Variants in LRRTM4 observed in about 807,000 individuals in gnomAD.
The protein encoded by LRRTM4 is leucine-rich repeat transmembrane neuronal protein 4.
LRRTM4 carries 25 observed loss-of-function variants against 47.6 expected under a neutral mutation model. The ratio of observed to expected loss-of-function variants is 0.53; its 90% confidence interval spans 0.38 to 0.73. The LOEUF (loss-of-function observed/expected upper bound fraction) is 0.73, where lower values mean the gene tolerates loss of function less well. Ranked by LOEUF, LRRTM4 falls within the 30% of genes least tolerant of loss-of-function variation. The pLI is 0.00. For synonymous variants in LRRTM4, 311 were observed against 269.5 expected, an observed-to-expected ratio of 1.15 and a Z score of -1.51; for missense variants, 638 against 713.4, an observed-to-expected ratio of 0.89 and a Z score of 1.20.
Position 77,249,134 on chromosome 2 carries a change from G to A in LRRTM4, c.1551+269184C>T, listed in dbSNP as rs140250263. Among the ~76,000 whole-genome samples the A allele has an allele frequency of 3.6e-3, 551 of 152,122 alleles. 9 individuals carry two copies. The East Asian group carries it at 0.051, about 14-fold the overall frequency. ...GGAGGCTGAGGCATGTGGATCACCTGAGGTTGGTAGTTTGAGACCAGCCTG... is the reference window on the plus strand; with the variant it reads ...GGAGGCTGAGGCATGTGGATCACCTAAGGTTGGTAGTTTGAGACCAGCCTG... On this transcript the variant is annotated intron_variant, in intron 3 of 3. Transcript: ENST00000409884.
chr2:77,489,589 A>G (rs1055016445), intron 3 of LRRTM4, among the ~76,000 whole-genome samples: 1 of 152,218 alleles, frequency 6.6e-6, no homozygotes, highest in Non-Finnish European at 1.5e-5. Context: ...TGTGGACCAC[A>G]GTGCTTAAGA....
intron 3 of LRRTM4, among the ~76,000 whole-genome samples, chr2:77,197,081 T>C (rs1319404098): frequency 6.6e-6 from 1 of 152,168 alleles, no homozygotes; most frequent in Non-Finnish European, 1.5e-5. Context: ...CTATTTTAAA[T>C]TACAACATCT....
chr2:77,105,063 A>C (rs2103919874), intron 3 of LRRTM4, among the ~76,000 whole-genome samples: 1 of 152,204 alleles, frequency 6.6e-6, no homozygotes, highest in Non-Finnish European at 1.5e-5. Context: ...TAAAAGAAAA[A>C]AAAAATCATG....
intron 3 of LRRTM4, among the ~76,000 whole-genome samples, chr2:77,424,558 A>G (rs1305785973): frequency 6.6e-6 from 1 of 152,194 alleles, no homozygotes; most frequent in African/African-American, 2.4e-5. Flanking sequence ...CCTTATTCCA[A>G]TGGAATGCAT....
intron 3 of LRRTM4, among the ~76,000 whole-genome samples, chr2:77,403,125 A>T (rs1358867372): frequency 7.0e-6 from 1 of 143,594 alleles, no homozygotes; most frequent in Non-Finnish European, 1.5e-5. Flanking sequence ...AAAACCTCCT[A>T]AAAAAATGTC....
chr2:77,069,529 G>T (rs961925936), intron 3 of LRRTM4, among the ~76,000 whole-genome samples: 1 of 151,806 alleles, frequency 6.6e-6, no homozygotes, highest in Non-Finnish European at 1.5e-5. Context: ...TCTTGTTCTG[G>T]ACTTTTAATT....
chr2:77,081,247 AACACACACACACACACAC>A (rs58897041), intron 3 of LRRTM4, among the ~76,000 whole-genome samples: 92 of 139,904 alleles, frequency 6.6e-4, no homozygotes, highest in Non-Finnish European at 1.2e-3. Flanking sequence ...ACCTGACAGC[AACACACACACACACACAC>A]ACACACACAC....
At position 77,137,094 on chromosome 2, in the gene LRRTM4, G is replaced by C. The variant is rs1046799809; in HGVS notation, c.1551+381224C>G. 3.3e-5 allele frequency among the ~76,000 whole-genome samples: 5 copies of C among 151,728 alleles called. 1 individual carries two copies. The highest frequency in any genetic ancestry group is 1.2e-4 in the African/African-American group (5 of 41,086). ...AGAACTTCCCCAACCTACCAAGGCA[G>C]GTCAACATTCAAATTCAGGAAATAC... On this transcript the variant is annotated intron_variant, in intron 3 of 3. Transcript: ENST00000409884.
intron 3 of LRRTM4, among the ~76,000 whole-genome samples, chr2:77,307,060 C>G (rs538833007): frequency 2.6e-5 from 4 of 151,256 alleles, no homozygotes; most frequent in Admixed American, 6.6e-5. Flanking sequence ...CCACCACGCC[C>G]GGCTAATTTT....
chr2:77,448,754 A>C (rs141292015), intron 3 of LRRTM4, among the ~76,000 whole-genome samples: 3 of 152,178 alleles, frequency 2.0e-5, no homozygotes, highest in African/African-American at 7.2e-5. Context: ...TTACTTTTAT[A>C]AATGGATGCT....
chr2:77,478,952 T>C (rs1677543120), intron 3 of LRRTM4, among the ~76,000 whole-genome samples: 2 of 152,188 alleles, frequency 1.3e-5, no homozygotes, highest in African/African-American at 4.8e-5. Context: ...TGGAGTGCAA[T>C]GGTGCGATCT....
intron 3 of LRRTM4, among the ~76,000 whole-genome samples, chr2:76,825,063 C>T (rs190501973): frequency 9.8e-4 from 148 of 151,432 alleles, no homozygotes; most frequent in Non-Finnish European, 1.0e-3. Flanking sequence ...GGCGATAGAA[C>T]GTAAAGACCT....
intron 3 of LRRTM4, among the ~76,000 whole-genome samples, chr2:77,353,866 A>G (rs1671874082): frequency 6.6e-6 from 1 of 152,144 alleles, no homozygotes; most frequent in African/African-American, 2.4e-5. Context: ...GCTTCGCAGG[A>G]AAGGATTCAA....
chr2:77,187,994 G>C (rs1673558599), intron 3 of LRRTM4, among the ~76,000 whole-genome samples: 1 of 151,878 alleles, frequency 6.6e-6, no homozygotes, highest in African/African-American at 2.4e-5. Flanking sequence ...TTTTTAAGTA[G>C]CTTTCATTAG....
intron 3 of LRRTM4, among the ~76,000 whole-genome samples, chr2:77,285,426 C>A (rs1208324290): frequency 7.0e-6 from 1 of 143,454 alleles, no homozygotes; most frequent in Non-Finnish European, 1.5e-5. Context: ...TTAGAGAAAT[C>A]CCATAACAAA....
At chr2:77,050,945 T>C (rs1380036190) in intron 3 of LRRTM4, among the ~76,000 whole-genome samples, 1 of 152,154 alleles carries the variant, frequency 6.6e-6, no homozygotes, top group Non-Finnish European at 1.5e-5. Flanking sequence ...GACAATGTCT[T>C]ATATTCTCAG....
At chr2:77,403,521 T>A (rs910531774) in intron 3 of LRRTM4, among the ~76,000 whole-genome samples, 1 of 151,830 alleles carries the variant, frequency 6.6e-6, no homozygotes, top group Non-Finnish European at 1.5e-5. Context: ...AATATGTATA[T>A]AAACATATAT....
rs201525166 is a variant in LRRTM4, at chr2:76,816,819, G to GTTTTTTTTTTTTTT, written c.1552-67917_1552-67904dup. Among the ~76,000 whole-genome samples the GTTTTTTTTTTTTTT allele has an allele frequency of 4.0e-4, 39 of 96,510 alleles. 5 individuals carry two copies. Among genetic ancestry groups the GTTTTTTTTTTTTTT allele is most frequent in the Non-Finnish European group, 7.0e-4 (28 of 39,904 alleles). The allele number at this position is 96,510 out of a possible 152,430, so 63.3% of individuals were successfully genotyped here. ...CACTGCTTTTACTTAGAGGTAAAGA[G>GTTTTTTTTTTTTTT]TTTTTTTTTTTTTTTTTTTTTTTTT... On this transcript the variant is annotated intron_variant, in intron 3 of 3. Coordinates refer to ENST00000409884, the MANE Select transcript of LRRTM4 (RefSeq NM_001134745.3).
chr2:77,136,571 C>G (rs924367824), intron 3 of LRRTM4, among the ~76,000 whole-genome samples: 6 of 152,188 alleles, frequency 3.9e-5, no homozygotes, highest in Admixed American at 1.3e-4. Context: ...CAGAGCGCCT[C>G]TCCCCTTCCA....
Sources: gnomAD v4.1 joint callset for allele counts (sites outside exome capture counted in the v4.1 genomes callset) on GRCh38, gnomAD v4.1.1 for gene constraint, MANE v1.5 for transcripts, NCBI Gene and HGNC (gene_info 2026-07-23, HGNC 2026-07-21) for gene names.